Variants in XPR1 observed in about 807,000 individuals in gnomAD.
XPR1 encodes xenotropic and polytropic retrovirus receptor 1.
A neutral mutation model predicts 87.5 loss-of-function variants in XPR1; 28 were observed. That is an observed-to-expected ratio of 0.32 (90% CI 0.24 to 0.44). The LOEUF is 0.44. Ranked by LOEUF, XPR1 falls within the 20% of genes least tolerant of loss-of-function variation. The probability of loss-of-function intolerance (pLI) is 1.00; values close to 1 mark genes in which losing one functional copy is unlikely to be tolerated. For missense variants in XPR1, 559 were observed against 862.3 expected (o/e 0.65, Z 4.41); for synonymous variants, 300 against 306.1 (o/e 0.98, Z 0.21).
At chr1:180,784,485 G>T (rs914833619) in intron 2 of XPR1, among the ~76,000 whole-genome samples, 4 of 151,774 alleles carry the variant, frequency 2.6e-5, no homozygotes, top group Admixed American at 6.6e-5. Flanking sequence ...TTTAAATGTT[G>T]TAGATATATA....
At chr1:180,798,294 C>T (rs968319425) in intron 3 of XPR1, among the ~76,000 whole-genome samples, 7 of 151,448 alleles carry the variant, frequency 4.6e-5, no homozygotes, top group East Asian at 1.9e-4. Flanking sequence ...AATATAATCA[C>T]GGAAGTTAGT....
chr1:180,783,911 G>T (rs1043901755), intron 2 of XPR1, among the ~76,000 whole-genome samples: 4 of 151,726 alleles, frequency 2.6e-5, no homozygotes, highest in African/African-American at 9.7e-5. Flanking sequence ...AAAAATTAGC[G>T]GGGCATGATG....
At chr1:180,656,969 G>T (rs1655554119) in intron 1 of XPR1, among the ~76,000 whole-genome samples, 1 of 151,772 alleles carries the variant, frequency 6.6e-6, no homozygotes, top group African/African-American at 2.4e-5. Flanking sequence ...GCGTTTGAGG[G>T]TTCCCTTTTC....
intron 2 of XPR1, among the ~76,000 whole-genome samples, chr1:180,745,690 A>G (rs12087173): frequency 0.043 from 6,544 of 152,276 alleles, 502 homozygotes; most frequent in African/African-American, 0.15. Flanking sequence ...ACTGATGCCT[A>G]TATCTTGGTT....
chr1:180,809,497 A>C (rs1650132459), intron 6 of XPR1, among the ~76,000 whole-genome samples: 1 of 152,206 alleles, frequency 6.6e-6, no homozygotes, highest in Admixed American at 6.5e-5. Flanking sequence ...AAAGAGAAGA[A>C]TCTTAAAAGC....
At chr1:180,725,219 T>A (rs1027283855) in intron 2 of XPR1, among the ~76,000 whole-genome samples, 1 of 152,232 alleles carries the variant, frequency 6.6e-6, no homozygotes, top group Non-Finnish European at 1.5e-5. Context: ...AGCATCATTT[T>A]AGTGGATACA....
chr1:180,778,260 A>G (rs568151715), intron 2 of XPR1, among the ~76,000 whole-genome samples: 108 of 152,286 alleles, frequency 7.1e-4, no homozygotes, highest in Middle Eastern at 3.4e-3. Flanking sequence ...CTGGGATTAC[A>G]GGCATGAGCC....
At chr1:180,722,936 TG>T (rs1658222638) in intron 2 of XPR1, among the ~76,000 whole-genome samples, 1 of 152,208 alleles carries the variant, frequency 6.6e-6, no homozygotes, top group African/African-American at 2.4e-5. Flanking sequence ...AATAATTATG[TG>T]GGTGAGTAGA....
At chr1:180,865,619 C>A (rs1208425449) in intron 12 of XPR1, among the ~76,000 whole-genome samples, 1 of 152,146 alleles carries the variant, frequency 6.6e-6, no homozygotes, top group East Asian at 1.9e-4. Context: ...CCAGGATGGT[C>A]TCAGTCTCCT....
intron 11 of XPR1, among the ~76,000 whole-genome samples, chr1:180,855,062 TG>T (rs1294432602): frequency 6.6e-6 from 1 of 152,162 alleles, no homozygotes; most frequent in East Asian, 1.9e-4. Flanking sequence ...GCATGGTACA[TG>T]GGCCCTAGAA....
chr1:180,814,494 A>G (rs1348893720), intron 7 of XPR1, among the ~76,000 whole-genome samples: 1 of 152,152 alleles, frequency 6.6e-6, no homozygotes, highest in Non-Finnish European at 1.5e-5. Context: ...TTTTGGCTTT[A>G]AGGACATCAT....
chr1:180,717,691 G>A (rs952780635), intron 2 of XPR1, among the ~76,000 whole-genome samples: 2 of 152,108 alleles, frequency 1.3e-5, no homozygotes, highest in Non-Finnish European at 2.9e-5. Context: ...TTAGTGGCAC[G>A]CTGGAACTGT....
chr1:180,744,872 C>T (rs544494149), intron 2 of XPR1, among the ~76,000 whole-genome samples: 200 of 151,866 alleles, frequency 1.3e-3, no homozygotes, highest in African/African-American at 4.8e-3. Flanking sequence ...AGGATGGTCT[C>T]GATCTCCTGA....
At chr1:180,825,677 A>G (rs1165300163) in intron 9 of XPR1, among the ~76,000 whole-genome samples, 1 of 152,246 alleles carries the variant, frequency 6.6e-6, no homozygotes, top group East Asian at 1.9e-4. Flanking sequence ...GTGAGTATCA[A>G]CCGAACATTT....
chr1:180,833,854 T>C (rs1651170128), intron 9 of XPR1, among the ~76,000 whole-genome samples: 1 of 152,248 alleles, frequency 6.6e-6, no homozygotes, highest in African/African-American at 2.4e-5. Flanking sequence ...TGTCATATGC[T>C]ATCTGGAAAA....
intron 13 of XPR1, 139 bp from the exon 14 acceptor site, chr1:180,879,937 C>A: frequency 1.1e-6 from 1 of 885,442 alleles, no homozygotes; most frequent in Non-Finnish European, 1.7e-6. Flanking sequence ...GCAACACCAT[C>A]TTTCCCTATT....
In XPR1 at chr1:180,686,198, G is replaced by A. The variant is rs545534706; in HGVS notation, c.121+3787G>A. On this transcript the variant is annotated intron_variant, in intron 2 of 14. Transcript: ENST00000367590. The stretch of plus-strand genomic sequence containing the variant: ...TCTGGTATGTTGTGTCTTTGTTCTC[G>A]CTGGTTTCAAAGAACATCTTTATTT... Among the ~76,000 whole-genome samples the A allele has an allele frequency of 7.8e-3, 1,186 of 152,044 alleles. 16 individuals are homozygous for A. The highest frequency in any genetic ancestry group is 0.027 in the African/African-American group (1,130 of 41,454).
chr1:180,744,919 G>A (rs926931624), intron 2 of XPR1, among the ~76,000 whole-genome samples: 1 of 151,890 alleles, frequency 6.6e-6, no homozygotes, highest in African/African-American at 2.4e-5. Context: ...CCAAAGTGCA[G>A]GGATTACAGG....
intron 1 of XPR1, among the ~76,000 whole-genome samples, chr1:180,647,860 C>T (rs1655168776): frequency 6.8e-6 from 1 of 146,730 alleles, no homozygotes; most frequent in Non-Finnish European, 1.5e-5. Flanking sequence ...GAGATCACCC[C>T]ACTGCGCTCC....
Sources: allele counts gnomAD v4.1 joint callset (sites outside exome capture counted in the v4.1 genomes callset), GRCh38; gene constraint gnomAD v4.1.1; transcripts MANE v1.5; gene names NCBI Gene and HGNC (gene_info 2026-07-23, HGNC 2026-07-21).